GABRG3: variants seen among roughly 807,000 people sequenced by gnomAD.
The protein encoded by GABRG3 is gamma-aminobutyric acid receptor subunit gamma-3.
GABRG3 carries 25 observed loss-of-function variants against 48.8 expected under a neutral mutation model. That is an observed-to-expected ratio of 0.51 (90% confidence interval 0.37 to 0.72). The LOEUF (loss-of-function observed/expected upper bound fraction) is 0.72. Ranked by LOEUF, GABRG3 falls within the 30% of genes least tolerant of loss-of-function variation. The probability of loss-of-function intolerance (pLI) is 0.00; values close to 1 mark genes in which losing one functional copy is unlikely to be tolerated. For missense variants in GABRG3, 394 were observed against 577.9 expected (o/e 0.68, Z 3.26); for synonymous variants, 227 against 217.6 (o/e 1.04, Z -0.38).
At chr15:27,317,079 G>T (rs1416658614) in intron 3 of GABRG3, among the ~76,000 whole-genome samples, 1 of 152,136 alleles carries the variant, frequency 6.6e-6, no homozygotes, top group Non-Finnish European at 1.5e-5. Context: ...GAACTCCGGT[G>T]CCCTTTGGAC....
At chr15:27,413,402 G>GA (rs144521801) in intron 5 of GABRG3, among the ~76,000 whole-genome samples, 25,495 of 152,072 alleles carry the variant, frequency 0.17, 2,254 homozygotes, top group Middle Eastern at 0.26. Flanking sequence ...AGATATTAGA[G>GA]AGGATTTACA....
intron 3 of GABRG3, among the ~76,000 whole-genome samples, chr15:27,068,464 G>A (rs58674914): frequency 0.21 from 31,749 of 152,170 alleles, 3,437 homozygotes; most frequent in Middle Eastern, 0.26. Flanking sequence ...GGGTGGCAGC[G>A]GTCTGGCTGC....
At chr15:27,175,570 T>C (rs1887718970) in intron 3 of GABRG3, among the ~76,000 whole-genome samples, 1 of 152,216 alleles carries the variant, frequency 6.6e-6, no homozygotes, top group African/African-American at 2.4e-5. Context: ...TAATAATGTC[T>C]TTAACTAAAA....
intron 3 of GABRG3, among the ~76,000 whole-genome samples, chr15:27,272,469 A>G (rs954610124): frequency 6.6e-5 from 10 of 152,220 alleles, no homozygotes; most frequent in Non-Finnish European, 1.5e-4. Flanking sequence ...CTGTAACAGT[A>G]TAGTACAGTG....
intron 3 of GABRG3, among the ~76,000 whole-genome samples, chr15:27,282,487 C>G (rs187792365): frequency 1.8e-3 from 275 of 152,312 alleles, no homozygotes; most frequent in African/African-American, 6.3e-3. Context: ...CGCATCCATT[C>G]TTCTATTAAG....
chr15:26,990,877 T>C (rs940734677), intron 2 of GABRG3, among the ~76,000 whole-genome samples: 1 of 151,118 alleles, frequency 6.6e-6, no homozygotes, highest in African/African-American at 2.4e-5. Context: ...CAATCTCGGC[T>C]CATTGAAACC....
At chr15:27,249,962 G>A (rs1046461058) in intron 3 of GABRG3, among the ~76,000 whole-genome samples, 2 of 152,300 alleles carry the variant, frequency 1.3e-5, no homozygotes, top group Admixed American at 6.5e-5. Context: ...AGGGCAGCCT[G>A]GAGAAGGCAC....
intron 6 of GABRG3, among the ~76,000 whole-genome samples, chr15:27,515,846 A>G (rs1347521030): frequency 6.6e-6 from 1 of 152,226 alleles, no homozygotes; most frequent in Non-Finnish European, 1.5e-5. Flanking sequence ...AAACTTACCA[A>G]TTAAATGGGA....
rs960218300 is a variant in GABRG3, at chr15:26,980,598, G to C, written c.202+3448G>C. On this transcript the variant is annotated intron_variant, in intron 2 of 9. Coordinates refer to ENST00000615808, the MANE Select transcript of GABRG3 (RefSeq NM_033223.5). The stretch of plus-strand genomic sequence containing the variant: ...GGAGGCTGAGGCAGGAGAATGGCGT[G>C]AACCTGGGAGGCAGATGTTGCAGTG... 6.7e-5 allele frequency among the ~76,000 whole-genome samples: 10 copies of C among 150,242 alleles called. No individual in the cohort carries two copies. In the East Asian group the frequency reaches 2.0e-3, roughly 29 times the overall value.
intron 3 of GABRG3, among the ~76,000 whole-genome samples, chr15:27,055,885 T>C (rs1896536429): frequency 6.6e-6 from 1 of 152,232 alleles, no homozygotes; most frequent in Non-Finnish European, 1.5e-5. Context: ...TATATGGTTT[T>C]TAATTTTTAA....
intron 3 of GABRG3, among the ~76,000 whole-genome samples, chr15:27,062,016 G>C (rs1424018787): frequency 1.3e-5 from 2 of 152,188 alleles, no homozygotes; most frequent in African/African-American, 4.8e-5. Flanking sequence ...CCTATACTTT[G>C]CCTTCTGGAG....
intron 3 of GABRG3, among the ~76,000 whole-genome samples, chr15:27,210,053 G>A (rs1889021377): frequency 6.6e-6 from 1 of 152,130 alleles, no homozygotes; most frequent in Admixed American, 6.5e-5. Flanking sequence ...AGTCACTTTG[G>A]GGGTTAGGAT....
intron 6 of GABRG3, among the ~76,000 whole-genome samples, chr15:27,495,605 AG>A (rs1890466980): frequency 1.3e-5 from 2 of 152,334 alleles, no homozygotes; most frequent in East Asian, 3.9e-4. Flanking sequence ...CTGTGTTCTG[AG>A]GAGAACACAA....
chr15:27,434,447 T>C (rs949728760), intron 5 of GABRG3, among the ~76,000 whole-genome samples: 6 of 152,188 alleles, frequency 3.9e-5, no homozygotes, highest in African/African-American at 1.4e-4. Context: ...TTTTGGCCTT[T>C]ATAGTATGTA....
At chr15:27,006,532 A>G (rs1249027534) in intron 2 of GABRG3, among the ~76,000 whole-genome samples, 1 of 152,120 alleles carries the variant, frequency 6.6e-6, no homozygotes, top group East Asian at 1.9e-4. Context: ...CTTCAGGGGT[A>G]CAGATGTAGG....
At chr15:27,449,699 C>T (rs1036234793) in intron 5 of GABRG3, among the ~76,000 whole-genome samples, 1 of 152,144 alleles carries the variant, frequency 6.6e-6, no homozygotes, top group African/African-American at 2.4e-5. Context: ...AAAAGTTATC[C>T]ACATGTACTA....
intron 3 of GABRG3, among the ~76,000 whole-genome samples, chr15:27,093,218 G>A (rs969669397): frequency 2.0e-5 from 3 of 152,140 alleles, no homozygotes; most frequent in Non-Finnish European, 2.9e-5. Context: ...GGTTGGTGAG[G>A]TGGAGGCAGG....
At chr15:27,296,957 T>A (rs1287482690) in intron 3 of GABRG3, among the ~76,000 whole-genome samples, 4 of 152,064 alleles carry the variant, frequency 2.6e-5, no homozygotes, top group Non-Finnish European at 2.9e-5. Flanking sequence ...CTATTGCCCC[T>A]GAAAACCTTC....
At chr15:27,353,559 T>C (rs1894719398) in intron 5 of GABRG3, among the ~76,000 whole-genome samples, 1 of 152,004 alleles carries the variant, frequency 6.6e-6, no homozygotes, top group Non-Finnish European at 1.5e-5. Flanking sequence ...TTCTCCTACC[T>C]CAGCCTCCCG....
Sources: allele counts gnomAD v4.1 joint callset (sites outside exome capture counted in the v4.1 genomes callset), GRCh38; gene constraint gnomAD v4.1.1; transcripts MANE v1.5; gene names NCBI Gene and HGNC (gene_info 2026-07-23, HGNC 2026-07-21).